Variants in SH3PXD2A observed in about 807,000 individuals in gnomAD.
SH3PXD2A encodes the protein SH3 and PX domains 2A.
SH3PXD2A carries 32 observed loss-of-function variants against 115.2 expected under a neutral mutation model. That is an observed-to-expected ratio of 0.28 (90% CI 0.21 to 0.37). SH3PXD2A has a LOEUF of 0.37. Among genes scored for constraint, SH3PXD2A ranks in the 10% least tolerant of loss-of-function variants. The probability of loss-of-function intolerance (pLI) is 1.00; values close to 1 mark genes in which losing one functional copy is unlikely to be tolerated. For synonymous variants in SH3PXD2A, 610 were observed against 629.1 expected (o/e 0.97, Z 0.45); for missense variants, 1,328 against 1,498.7 (o/e 0.89, Z 1.88).
At chr10:103,749,500 T>G (rs897990427) in intron 3 of SH3PXD2A, among the ~76,000 whole-genome samples, 1 of 152,220 alleles carries the variant, frequency 6.6e-6, no homozygotes, top group African/African-American at 2.4e-5. Flanking sequence ...CTACATCTGC[T>G]AGGGTCTCCA....
At position 103,736,681 on chromosome 10, in the gene SH3PXD2A, C is replaced by T. The variant is rs187334655; in HGVS notation, c.230-873G>A. ...CCCTCTTTCCAGAACATCCACAACT[C>T]GTTGTCCATTCCTAGGCTATCTGCC... On this transcript the variant is annotated intron_variant, in intron 3 of 14. Transcript: ENST00000369774. The T allele has an allele frequency of 1.9e-4, 171 of 896,500 alleles. No individual in the cohort carries two copies. In the African/African-American group the frequency reaches 2.2e-3, roughly 11 times the overall value. 55.5% of individuals were successfully genotyped at this position (896,500 alleles called of 1,614,324 possible).
intron 1 of SH3PXD2A, among the ~76,000 whole-genome samples, 193 bp downstream of exon 1, chr10:103,855,002 G>T (rs1273467625): frequency 6.6e-6 from 1 of 152,184 alleles, no homozygotes; most frequent in African/African-American, 2.4e-5. Context: ...AACCGGGGGG[G>T]CGGGGGTGCG....
At position 103,602,226 on chromosome 10, in the gene SH3PXD2A, G is replaced by T. The variant is rs561745856; in HGVS notation, c.2992C>A (p.Arg998=). 49 of 1,598,102 alleles carry T rather than the reference G, an allele frequency of 3.1e-5. 1 individual carries two copies. In the South Asian group the frequency reaches 5.3e-4, roughly 17 times the overall value. The change falls in exon 15 of 15, where the codon CGG becomes AGG. Residue 998 remains arginine (R), a synonymous_variant. Transcript: ENST00000369774. ...PKDNNLSCAL[R]RNESLTATDG... ...GTGGCCGTGAGTGACTCATTCCTCCGCAGGGCGCAGGACAGGTTGTTGTCC... is the reference window on the plus strand; with the variant it reads ...GTGGCCGTGAGTGACTCATTCCTCCTCAGGGCGCAGGACAGGTTGTTGTCC...
At chr10:103,816,154 C>CCA (rs144943876) in intron 1 of SH3PXD2A, among the ~76,000 whole-genome samples, 1 of 151,918 alleles carries the variant, frequency 6.6e-6, no homozygotes, top group Non-Finnish European at 1.5e-5. Context: ...AGTGCTCACA[C>CCA]CACACACACA....
At chr10:103,747,442 G>C (rs1193563114) in intron 3 of SH3PXD2A, among the ~76,000 whole-genome samples, 1 of 152,220 alleles carries the variant, frequency 6.6e-6, no homozygotes, top group Non-Finnish European at 1.5e-5. Context: ...CTCCAGGGGA[G>C]GCTGCCCTCA....
Position 103,602,256 on chromosome 10 carries a change from G to A in SH3PXD2A, c.2962C>T (p.Pro988Ser), listed in dbSNP as rs1196315274. Residue 988 changes from proline (P) to serine (S), a missense_variant, in exon 15 of 15, where the codon CCC becomes TCC. Coordinates refer to ENST00000369774, the MANE Select transcript of SH3PXD2A (RefSeq NM_001394015.1). ...RPQSVFVSPP[P>S]KDNNLSCALR... ...GCGCAGGACAGGTTGTTGTCCTTGGGTGGCGGGGACACAAACACCGACTGG... is the reference window on the plus strand; with the variant it reads ...GCGCAGGACAGGTTGTTGTCCTTGGATGGCGGGGACACAAACACCGACTGG... 6.2e-7 allele frequency: 1 copy of A among 1,611,952 alleles called. No homozygotes were observed. The highest frequency in any genetic ancestry group is 1.1e-5 in the South Asian group (1 of 90,590).
intron 6 of SH3PXD2A, among the ~76,000 whole-genome samples, chr10:103,677,389 G>A (rs915332734): frequency 9.2e-5 from 14 of 152,288 alleles, no homozygotes; most frequent in South Asian, 2.1e-4. Flanking sequence ...AGACGGCAGG[G>A]CTGAGTCCTG....
Position 103,665,168 on chromosome 10 carries a change from G to A in SH3PXD2A, c.472+3440C>T, listed in dbSNP as rs1246980810. On this transcript the variant is annotated intron_variant, in intron 7 of 14. Transcript: ENST00000369774. This position sits in a 1 kb window ranked among gnomAD's most constrained non-coding sequence, Gnocchi z 4.0. ...CTGATATGGGAATATGGGAAAATGA[G>A]CCAAACTCGAAGGGAGAAAGGGGAG... Among the ~76,000 whole-genome samples the A allele has an allele frequency of 6.6e-6, 1 of 152,194 alleles. No individual in the cohort carries two copies. The highest frequency in any genetic ancestry group is 1.5e-5 in the Non-Finnish European group (1 of 68,030).
At chr10:103,815,803 C>T (rs1273573845) in intron 1 of SH3PXD2A, among the ~76,000 whole-genome samples, 2 of 151,428 alleles carry the variant, frequency 1.3e-5, no homozygotes, top group East Asian at 3.9e-4. Flanking sequence ...GCAGGACAAT[C>T]GCTTGAACCT....
At chr10:103,805,587 C>T (rs1287278737) in intron 1 of SH3PXD2A, among the ~76,000 whole-genome samples, 2 of 152,240 alleles carry the variant, frequency 1.3e-5, no homozygotes, top group African/African-American at 4.8e-5. Context: ...TTGCCCTCTA[C>T]TCTTCAGAAA....
At chr10:103,704,881 A>G (rs2037962992) in intron 5 of SH3PXD2A, among the ~76,000 whole-genome samples, 1 of 152,192 alleles carries the variant, frequency 6.6e-6, no homozygotes, top group South Asian at 2.1e-4. Context: ...CTGAGCAGGC[A>G]GCATGACCTG....
rs972347436 is a variant in SH3PXD2A, at chr10:103,784,186, T to C, written c.154-17017A>G. Among the ~76,000 whole-genome samples the C allele has an allele frequency of 6.6e-6, 1 of 152,174 alleles. No homozygotes were observed. The highest frequency in any genetic ancestry group is 1.5e-5 in the Non-Finnish European group (1 of 68,028). The stretch of plus-strand genomic sequence containing the variant: ...AAGATGCTGGCTGCTCGGGGGTTGC[T>C]GGGGCACCTGTGTGCAGGCCTGCCC... On this transcript the variant is annotated intron_variant, in intron 2 of 14. Transcript: ENST00000369774. This position sits in a 1 kb window ranked among gnomAD's most constrained non-coding sequence, Gnocchi z 4.4.
chr10:103,707,694 C>A (rs1179132617), intron 5 of SH3PXD2A, among the ~76,000 whole-genome samples: 1 of 151,970 alleles, frequency 6.6e-6, no homozygotes. Context: ...CTTGTAGCCA[C>A]CCACCAAGAA....
intron 2 of SH3PXD2A, among the ~76,000 whole-genome samples, chr10:103,783,871 C>G (rs1394646859): frequency 1.3e-5 from 2 of 152,360 alleles, no homozygotes; most frequent in East Asian, 3.9e-4. Flanking sequence ...AAAGCAGCCC[C>G]CGCAGTGAGG....
chr10:103,633,961 C>G (rs1262721241), intron 8 of SH3PXD2A, among the ~76,000 whole-genome samples: 2 of 152,172 alleles, frequency 1.3e-5, no homozygotes, highest in Non-Finnish European at 2.9e-5. Context: ...CCCACACAAT[C>G]TGAGATACAG....
intron 1 of SH3PXD2A, among the ~76,000 whole-genome samples, chr10:103,812,690 C>T (rs2039282244): frequency 6.6e-6 from 1 of 152,160 alleles, no homozygotes; most frequent in Admixed American, 6.5e-5. Context: ...GCAGCCGCCT[C>T]CACACACAGC....
chr10:103,729,087 G>C (rs927253421), intron 4 of SH3PXD2A, among the ~76,000 whole-genome samples: 1 of 152,042 alleles, frequency 6.6e-6, no homozygotes, highest in Non-Finnish European at 1.5e-5. Context: ...GTAGAGACGG[G>C]GTTTCACCAA....
intron 8 of SH3PXD2A, among the ~76,000 whole-genome samples, chr10:103,660,094 A>T (rs910343444): frequency 2.0e-5 from 3 of 151,762 alleles, no homozygotes; most frequent in African/African-American, 7.3e-5. Context: ...ACCAAACACC[A>T]CTCAGAGAGG....
intron 1 of SH3PXD2A, among the ~76,000 whole-genome samples, chr10:103,852,221 A>G (rs945124105): frequency 6.6e-6 from 1 of 152,204 alleles, no homozygotes; most frequent in Non-Finnish European, 1.5e-5. Flanking sequence ...AGAAGAAGGA[A>G]GCCAGGGCTG....
Sources: allele counts gnomAD v4.1 joint callset (sites outside exome capture counted in the v4.1 genomes callset), GRCh38; gene constraint gnomAD v4.1.1; non-coding constraint Gnocchi (gnomAD v3.1); transcripts MANE v1.5; gene names NCBI Gene and HGNC (gene_info 2026-07-23, HGNC 2026-07-21).